Variants in ZNF554 observed in about 807,000 individuals in gnomAD.
The protein encoded by ZNF554 is zinc finger protein 554.
ZNF554 carries 15 observed loss-of-function variants against 21.2 expected under a neutral mutation model. The observed-to-expected ratio is 0.71, with a 90% CI of 0.47 to 1.09. ZNF554 has a LOEUF of 1.09. Ranked by LOEUF, ZNF554 falls within the 50% of genes least tolerant of loss-of-function variation. The probability of loss-of-function intolerance (pLI) is 0.00; values close to 1 mark genes in which losing one functional copy is unlikely to be tolerated. For missense variants in ZNF554, 691 were observed against 662.7 expected (o/e 1.04, Z -0.47); for synonymous variants, 258 against 251.4 (o/e 1.03, Z -0.25).
rs546882483 is a variant in ZNF554 at position 2,821,129 on chromosome 19, G to C, written c.53+1005G>C. ...TTTCTTGAGACAGTCTCGCCCTATT[G>C]CCCAGGCTGGAGTGCAGTTGCACGA... On this transcript the variant is annotated intron_variant, in intron 1 of 4. Transcript: ENST00000317243. The surrounding 1 kb of genome is among the most constrained non-coding windows in gnomAD (Gnocchi z 8.2). Among the ~76,000 whole-genome samples the C allele has an allele frequency of 2.7e-5, 4 of 150,326 alleles. No individual in the cohort carries two copies. The highest frequency in any genetic ancestry group is 9.9e-5 in the African/African-American group (4 of 40,570).
intron 2 of ZNF554, among the ~76,000 whole-genome samples, chr19:2,825,453 G>T (rs184879090): frequency 6.6e-6 from 1 of 151,956 alleles, no homozygotes; most frequent in African/African-American, 2.4e-5. Context: ...CTGAGATTAC[G>T]GCACTCGCCA....
At chr19:2,822,347 G>T (rs74847637) in intron 1 of ZNF554, among the ~76,000 whole-genome samples, 1 of 152,056 alleles carries the variant, frequency 6.6e-6, no homozygotes, top group Non-Finnish European at 1.5e-5. Context: ...CACCATACCC[G>T]AGCTTTTCCC....
At chr19:2,827,890 G>A (rs1243072122) in intron 3 of ZNF554, 147 bp downstream of exon 3, 10 of 1,001,396 alleles carry the variant, frequency 1.0e-5, no homozygotes, top group African/African-American at 5.0e-5. Context: ...CCACATGGCC[G>A]GGGAGGGCTC....
chr19:2,826,507 T>C (rs2087336488), intron 2 of ZNF554, among the ~76,000 whole-genome samples: 1 of 152,014 alleles, frequency 6.6e-6, no homozygotes, highest in African/African-American at 2.4e-5. Context: ...CAGCCAACTT[T>C]TACATCTTAC....
rs960334926 is a variant in ZNF554 at position 2,820,041 on chromosome 19, G to A, written c.-31G>A. Reference sequence around the variant, plus strand: ...CTGCACGGGGCGCTCCCGCCTCGGGGGCCCTGTCTGGCGCCTCAGCGCGCG... The same window carrying A: ...CTGCACGGGGCGCTCCCGCCTCGGGAGCCCTGTCTGGCGCCTCAGCGCGCG... On this transcript the variant is annotated 5_prime_UTR_variant, in exon 1 of 5. Transcript: ENST00000317243. The A allele has an allele frequency of 3.3e-6, 4 of 1,202,400 alleles. No individual in the cohort carries two copies. Among genetic ancestry groups the A allele is most frequent in the Non-Finnish European group, 1.0e-6 (1 of 968,768 alleles). The allele number at this position is 1,202,400 out of a possible 1,614,324, so 74.5% of individuals were successfully genotyped here.
intron 2 of ZNF554, among the ~76,000 whole-genome samples, chr19:2,825,553 A>G (rs536774911): frequency 1.3e-5 from 2 of 152,232 alleles, no homozygotes; most frequent in Non-Finnish European, 2.9e-5. Context: ...TCAAAGGCCA[A>G]AGTGCTGGGA....
intron 2 of ZNF554, among the ~76,000 whole-genome samples, chr19:2,823,428 A>G (rs1263441469): frequency 6.6e-6 from 1 of 152,138 alleles, no homozygotes; most frequent in East Asian, 1.9e-4. Flanking sequence ...AGAATGAGGT[A>G]TACAGACAAG....
rs2087491072 is a variant in ZNF554 at position 2,835,777 on chromosome 19, CTG to C, written c.*929_*930del. Reference sequence around the variant, plus strand: ...AAGGTGTTCTGTTTCTTAACTACTTCTGTGTCTTTACTTTTTATTTCATTGTT... The same window carrying C: ...AAGGTGTTCTGTTTCTTAACTACTTCTGTCTTTACTTTTTATTTCATTGTT... On this transcript the variant is annotated 3_prime_UTR_variant, in exon 5 of 5. Coordinates refer to ENST00000317243, the MANE Select transcript of ZNF554 (RefSeq NM_001102651.2). 1 of 152,182 alleles carries C rather than the reference CTG, an allele frequency of 6.6e-6. No individual in the cohort carries two copies. Among genetic ancestry groups the C allele is most frequent in the South Asian group, 2.1e-4 (1 of 4,832 alleles). The allele number at this position is 152,182 out of a possible 1,614,324, so 9.4% of individuals were successfully genotyped here.
intron 2 of ZNF554, 36 bp downstream of exon 2, chr19:2,823,148 A>C: frequency 6.3e-7 from 1 of 1,597,244 alleles, no homozygotes; most frequent in Non-Finnish European, 8.6e-7. Context: ...GGCACCCAGT[A>C]TATCCAGAGG....
intron 3 of ZNF554, 60 bp downstream of exon 3, chr19:2,827,803 C>T: frequency 1.3e-6 from 2 of 1,589,136 alleles, no homozygotes; most frequent in East Asian, 2.2e-5. Context: ...GTGTATTAGT[C>T]TGTTCTCACA....
At chr19:2,831,593 C>CTTTTTTTTTTTTT (rs71179916) in intron 3 of ZNF554, 1 of 113,480 alleles carries the variant, frequency 8.8e-6, no homozygotes, top group Non-Finnish European at 1.7e-5. Flanking sequence ...TGCACCCGCC[C>CTTTTTTTTTTTTT]TTTTTTTTTT....
chr19:2,822,739 A>G (rs1399498924), intron 1 of ZNF554, among the ~76,000 whole-genome samples: 1 of 152,152 alleles, frequency 6.6e-6, no homozygotes, highest in Non-Finnish European at 1.5e-5. Context: ...TTAGCCGGAC[A>G]TGGTGGTGCC....
chr19:2,832,288 T>G lies in ZNF554; in HGVS notation c.254-15T>G. On this transcript the variant is annotated splice_polypyrimidine_tract_variant and intron_variant, in intron 3 of 4. Coordinates refer to ENST00000317243, the MANE Select transcript of ZNF554 (RefSeq NM_001102651.2). ...ATCTTGTGCTACCTCTCAAGTATAC[T>G]CTTGTCTTTTTCAGAAGCCTTGAAG... 6.4e-7 allele frequency: 1 copy of G among 1,569,190 alleles called. No homozygotes were observed. The highest frequency in any genetic ancestry group is 8.6e-7 in the Non-Finnish European group (1 of 1,163,878).
intron 3 of ZNF554, among the ~76,000 whole-genome samples, chr19:2,830,010 C>T (rs1335122511): frequency 2.6e-5 from 4 of 152,144 alleles, no homozygotes; most frequent in African/African-American, 7.2e-5. Flanking sequence ...CTGCAAGCTC[C>T]GCCTCCTGGG....
At chr19:2,832,564 T>C in intron 4 of ZNF554, 70 bp downstream of exon 4, 1 of 1,452,564 alleles carries the variant, frequency 6.9e-7, no homozygotes. Flanking sequence ...CAGAGAGCTC[T>C]TCACAAGGCC....
chr19:2,825,820 C>CTTAA (rs2144808803), intron 2 of ZNF554, among the ~76,000 whole-genome samples: 1 of 152,272 alleles, frequency 6.6e-6, no homozygotes, highest in Admixed American at 6.5e-5. Context: ...ATACAGGGCC[C>CTTAA]TTAAGGCTGG....
rs1255186843 is a variant in ZNF554 at position 2,832,449 on chromosome 19, G to A, written c.400G>A (p.Ala134Thr). The stretch of plus-strand genomic sequence containing the variant: ...TTCTTCCCACTTGGAGCAAAGAGAA[G>A]CCCTGTGGATAGAGGAAAAAGGAAC... ...VASSHLEQREALWIEEKGTPQ... is the reference protein window; with the variant it reads ...VASSHLEQRETLWIEEKGTPQ... The change falls in exon 4 of 5, where the codon GCC (alanine) becomes ACC (threonine). Residue 134 changes from alanine to threonine, a missense_variant. Coordinates refer to ENST00000317243, the MANE Select transcript of ZNF554 (RefSeq NM_001102651.2). The A allele has an allele frequency of 1.2e-6, 2 of 1,613,760 alleles. No individual in the cohort carries two copies. The highest frequency in any genetic ancestry group is 1.7e-6 in the Non-Finnish European group (2 of 1,179,916).
rs2087480668 is a variant in ZNF554, at chr19:2,834,931, A to T, written c.*79A>T. On this transcript the variant is annotated 3_prime_UTR_variant, in exon 5 of 5. Transcript: ENST00000317243. ...GTTATCTTTTGCCCTGTTGTGATGG[A>T]TAATTTGAAAAGAAGTGGGTTTATG... 1 of 1,323,588 alleles carries T rather than the reference A, an allele frequency of 7.6e-7. No homozygotes were observed. The highest frequency in any genetic ancestry group is 2.3e-5 in the East Asian group (1 of 42,856). The allele number at this position is 1,323,588 out of a possible 1,614,324, so 82.0% of individuals were successfully genotyped here.
intron 2 of ZNF554, among the ~76,000 whole-genome samples, chr19:2,823,676 G>A (rs756796581): frequency 2.0e-5 from 3 of 152,208 alleles, no homozygotes; most frequent in East Asian, 1.9e-4. Flanking sequence ...CTTCTCTGCC[G>A]GCAGATCATC....
Sources: gnomAD v4.1 joint callset for allele counts (sites outside exome capture counted in the v4.1 genomes callset) on GRCh38, gnomAD v4.1.1 for gene constraint, Gnocchi (gnomAD v3.1) non-coding constraint, MANE v1.5 for transcripts, NCBI Gene and HGNC (gene_info 2026-07-23, HGNC 2026-07-21) for gene names.